Variants in ATP11A observed in about 807,000 individuals in gnomAD.
ATP11A encodes phospholipid-transporting ATPase IH.
A neutral mutation model predicts 154.4 loss-of-function variants in ATP11A; 81 were observed. The ratio of observed to expected loss-of-function variants is 0.52; its 90% CI spans 0.44 to 0.63. The LOEUF (loss-of-function observed/expected upper bound fraction) is 0.63. Ranked by LOEUF, ATP11A falls within the 30% of genes least tolerant of loss-of-function variation. The pLI is 0.00. For synonymous variants in ATP11A, 623 were observed against 585.9 expected, an observed-to-expected ratio of 1.06 and a Z score of -0.91; for missense variants, 1,316 against 1,474.3, an observed-to-expected ratio of 0.89 and a Z score of 1.76.
At chr13:112,771,186 CAG>C (rs2077217407) in intron 1 of ATP11A, among the ~76,000 whole-genome samples, 1 of 152,238 alleles carries the variant, frequency 6.6e-6, no homozygotes. Flanking sequence ...CAGGCCCTAA[CAG>C]AGTTCATGGT....
chr13:112,710,697 G>A (rs770460814), intron 1 of ATP11A, among the ~76,000 whole-genome samples: 6 of 152,222 alleles, frequency 3.9e-5, no homozygotes, highest in Admixed American at 3.3e-4. Flanking sequence ...TGGGGAGGGC[G>A]TTCACAGGTG....
At chr13:112,742,003 C>T (rs972102454) in intron 1 of ATP11A, among the ~76,000 whole-genome samples, 1 of 151,630 alleles carries the variant, frequency 6.6e-6, no homozygotes, top group Non-Finnish European at 1.5e-5. Context: ...AAGAGTGGTC[C>T]CCCTCCCCAC....
At chr13:112,714,684 TG>T (rs1888223755) in intron 1 of ATP11A, among the ~76,000 whole-genome samples, 1 of 152,258 alleles carries the variant, frequency 6.6e-6, no homozygotes, top group African/African-American at 2.4e-5. Flanking sequence ...GACCTTGGGC[TG>T]GAGCGGGTGG....
chr13:112,771,400 T>C (rs1417509509), intron 1 of ATP11A, among the ~76,000 whole-genome samples: 1 of 152,236 alleles, frequency 6.6e-6, no homozygotes, highest in Non-Finnish European at 1.5e-5. Context: ...CGCAGGTGAC[T>C]GTATTTGCGC....
chr13:112,790,523 G>T (rs985968194), intron 2 of ATP11A, among the ~76,000 whole-genome samples: 4 of 148,054 alleles, frequency 2.7e-5, no homozygotes, highest in Non-Finnish European at 5.9e-5. Context: ...CCCCTGTGGA[G>T]ACCTGCTTAA....
Position 112,878,228 on chromosome 13 carries a change from G to A in ATP11A, c.3339G>A (p.Gln1113=), listed in dbSNP as rs774002420. The A allele has an allele frequency of 6.2e-7, 1 of 1,614,226 alleles. No homozygotes were observed. Among genetic ancestry groups the A allele is most frequent in the Admixed American group, 1.7e-5 (1 of 60,038 alleles). Reference sequence around the variant, plus strand: ...ACCTCGGGACTAAGACTAAGAGCCAGTGCCTTTCTGTCGAGCAGTCAACCA... The same window carrying A: ...ACCTCGGGACTAAGACTAAGAGCCAATGCCTTTCTGTCGAGCAGTCAACCA... ...TATERVQTKS[Q]CLSVEQSTIF... Residue 1113 remains glutamine, a synonymous_variant, in exon 29 of 30, where the codon CAG becomes CAA. Transcript: ENST00000375645.
intron 1 of ATP11A, among the ~76,000 whole-genome samples, chr13:112,750,583 A>G (rs2076667288): frequency 7.0e-6 from 1 of 142,932 alleles, no homozygotes; most frequent in Non-Finnish European, 1.5e-5. Context: ...TTTCTGTCTT[A>G]GGGAAGGAGA....
At chr13:112,791,881 A>C (rs191261065) in intron 2 of ATP11A, among the ~76,000 whole-genome samples, 177 of 152,274 alleles carry the variant, frequency 1.2e-3, no homozygotes, top group Non-Finnish European at 2.0e-3. Flanking sequence ...GAGAAGCCGT[A>C]AGTCTCCTTC....
At chr13:112,773,223 C>G (rs1414208684) in intron 1 of ATP11A, among the ~76,000 whole-genome samples, 1 of 152,132 alleles carries the variant, frequency 6.6e-6, no homozygotes, top group Non-Finnish European at 1.5e-5. Flanking sequence ...CTGCCCTGCC[C>G]TGCCCCACCA....
In ATP11A at chr13:112,697,201, C is replaced by T. The variant is rs1452405929; in HGVS notation, c.39+6746C>T. Among the ~76,000 whole-genome samples the T allele has an allele frequency of 6.6e-6, 1 of 152,192 alleles. No homozygotes were observed. Among genetic ancestry groups the T allele is most frequent in the Non-Finnish European group, 1.5e-5 (1 of 68,030 alleles). ...GGCCGCCCCTCGGTGGGCTCCGGTG[C>T]TGGCCTCTGCCTTCCCCAGGGCCAC... On this transcript the variant is annotated intron_variant, in intron 1 of 29. Transcript: ENST00000375645. The surrounding 1 kb of genome is among the most constrained non-coding windows in gnomAD (Gnocchi z 4.0).
intron 1 of ATP11A, among the ~76,000 whole-genome samples, chr13:112,693,767 C>A (rs1885472869): frequency 6.6e-6 from 1 of 152,104 alleles, no homozygotes. Context: ...ACCTGGCCAA[C>A]ATGGTGAAAC....
At chr13:112,747,024 C>T (rs1425897824) in intron 1 of ATP11A, 3 of 150,968 alleles carry the variant, frequency 2.0e-5, no homozygotes, top group African/African-American at 4.9e-5. Context: ...GTGGTACTGA[C>T]GTGTGGCCGG....
intron 17 of ATP11A, among the ~76,000 whole-genome samples, chr13:112,845,985 A>G (rs1357463255): frequency 1.3e-5 from 2 of 152,134 alleles, no homozygotes; most frequent in African/African-American, 4.8e-5. Flanking sequence ...GCTGTTTTGG[A>G]AGCAGCTGCT....
chr13:112,878,350 C>T (rs1282037778), intron 29 of ATP11A, 47 bp downstream of exon 29: 1 of 1,590,354 alleles, frequency 6.3e-7, no homozygotes, highest in East Asian at 2.2e-5. Context: ...AGACACGGGG[C>T]AGCAGGGCCA....
intron 1 of ATP11A, among the ~76,000 whole-genome samples, chr13:112,783,693 A>G (rs759293781): frequency 6.6e-6 from 1 of 152,232 alleles, no homozygotes; most frequent in Non-Finnish European, 1.5e-5. Context: ...GACGAGAGCC[A>G]CACGCTAAGG....
intron 22 of ATP11A, chr13:112,858,546 C>T (rs111778959): frequency 1.5e-5 from 6 of 388,370 alleles, no homozygotes; most frequent in African/African-American, 6.1e-5. Flanking sequence ...AACAGTTCCT[C>T]AGGTTTAAAT....
intron 1 of ATP11A, among the ~76,000 whole-genome samples, chr13:112,735,520 T>A (rs1890908155): frequency 6.6e-6 from 1 of 152,220 alleles, no homozygotes; most frequent in African/African-American, 2.4e-5. Flanking sequence ...TTACTTAGTA[T>A]GAATTCAGTG....
chr13:112,814,793 TC>T (rs887775345), intron 5 of ATP11A, among the ~76,000 whole-genome samples: 1 of 152,152 alleles, frequency 6.6e-6, no homozygotes, highest in African/African-American at 2.4e-5. Flanking sequence ...ACGTATTCCT[TC>T]CCCCTCAATC....
At chr13:112,778,717 T>G (rs1594655918) in intron 1 of ATP11A, among the ~76,000 whole-genome samples, 3 of 107,652 alleles carry the variant, frequency 2.8e-5, no homozygotes, top group Non-Finnish European at 5.4e-5. Context: ...GCCGCTGGAG[T>G]GAGTAGCCGC....
Sources: allele counts gnomAD v4.1 joint callset (sites outside exome capture counted in the v4.1 genomes callset), GRCh38; gene constraint gnomAD v4.1.1; non-coding constraint Gnocchi (gnomAD v3.1); transcripts MANE v1.5; gene names NCBI Gene and HGNC (gene_info 2026-07-23, HGNC 2026-07-21).